Variants in KCNG3 observed in about 807,000 individuals in gnomAD.
KCNG3 encodes the protein voltage-gated potassium channel regulatory subunit KCNG3.
KCNG3 carries 15 observed loss-of-function variants against 29.0 expected under a neutral mutation model. That is an observed-to-expected ratio of 0.52 (90% CI 0.35 to 0.80). KCNG3 has a LOEUF of 0.80. KCNG3 is among the 30% of genes least tolerant of loss of function. KCNG3 has a pLI of 0.01. For synonymous variants in KCNG3, 322 were observed against 248.9 expected (o/e 1.29, Z -2.76); for missense variants, 512 against 605.7 (o/e 0.85, Z 1.62).
At chr2:42,438,239 C>G (rs1672409588), downstream of KCNG3, among the ~76,000 whole-genome samples, 1 of 152,120 alleles carries the variant, frequency 6.6e-6, no homozygotes, top group Admixed American at 6.6e-5. Context: ...CATAGGGAGA[C>G]CCTGTCTCTA....
At chr2:42,449,576 G>C (rs1672698428) in intron 1 of KCNG3, among the ~76,000 whole-genome samples, 1 of 144,530 alleles carries the variant, frequency 6.9e-6, no homozygotes, top group East Asian at 2.0e-4. Context: ...GGAGCACAGT[G>C]GTACGATGTT....
At chr2:42,478,075 G>C (rs1379326189) in intron 1 of KCNG3, among the ~76,000 whole-genome samples, 3 of 152,034 alleles carry the variant, frequency 2.0e-5, no homozygotes, top group African/African-American at 7.3e-5. Context: ...ACTTGTTATA[G>C]GTGTCCACAT....
At chr2:42,409,578 C>A in the KCNG3 span, among the ~76,000 whole-genome samples, 1 of 151,294 alleles carries the variant, frequency 6.6e-6, no homozygotes, top group African/African-American at 2.4e-5. Context: ...GTGGTGTGCA[C>A]CTGTAGTCCC....
chr2:42,418,931 TG>T, the KCNG3 span, among the ~76,000 whole-genome samples: 1 of 152,290 alleles, frequency 6.6e-6, no homozygotes, highest in South Asian at 2.1e-4. Flanking sequence ...TCAGATTTTA[TG>T]GCTCATAGTG....
chr2:42,485,465 G>C (rs1205953028), intron 1 of KCNG3, among the ~76,000 whole-genome samples: 1 of 146,744 alleles, frequency 6.8e-6, no homozygotes, highest in East Asian at 2.0e-4. Flanking sequence ...TTTTTTTTAA[G>C]ACGGAGTCTC....
chr2:42,450,438 C>T (rs1030193210), intron 1 of KCNG3, among the ~76,000 whole-genome samples: 1 of 152,180 alleles, frequency 6.6e-6, no homozygotes, highest in African/African-American at 2.4e-5. Context: ...CCAATGCCAC[C>T]ACTGACAACT....
downstream of KCNG3, among the ~76,000 whole-genome samples, chr2:42,438,739 G>T (rs1489897948): frequency 6.6e-6 from 1 of 152,204 alleles, no homozygotes; most frequent in East Asian, 1.9e-4. Flanking sequence ...TTGGGCATAA[G>T]TTAACCACAG....
rs878936135 is a variant in KCNG3, at chr2:42,442,129, T to C, written c.*1805A>G. ...GTTAAGAAAAAATAAATCCATGCCATTTATTTCAATTATATTAGAATACAA... is the reference window on the plus strand; with the variant it reads ...GTTAAGAAAAAATAAATCCATGCCACTTATTTCAATTATATTAGAATACAA... On this transcript the variant is annotated 3_prime_UTR_variant, in exon 2 of 2. Coordinates refer to ENST00000306078, the MANE Select transcript of KCNG3 (RefSeq NM_133329.6). 1 of 152,166 alleles carries C rather than the reference T, an allele frequency of 6.6e-6. No homozygotes were observed. Among genetic ancestry groups the C allele is most frequent in the South Asian group, 2.1e-4 (1 of 4,820 alleles). 9.4% of individuals were successfully genotyped at this position (152,166 alleles called of 1,614,324 possible).
the KCNG3 span, among the ~76,000 whole-genome samples, chr2:42,420,537 C>T: frequency 6.6e-6 from 1 of 152,168 alleles, no homozygotes; most frequent in Admixed American, 6.5e-5. Context: ...TGTCTGTAAT[C>T]CCAGCACTTT....
At chr2:42,470,979 C>T (rs1673270430) in intron 1 of KCNG3, among the ~76,000 whole-genome samples, 1 of 151,972 alleles carries the variant, frequency 6.6e-6, no homozygotes, top group Non-Finnish European at 1.5e-5. Context: ...CAGTGAGATC[C>T]TAACTCTACA....
At chr2:42,490,206 T>TA (rs769316584) in intron 1 of KCNG3, among the ~76,000 whole-genome samples, 6 of 152,262 alleles carry the variant, frequency 3.9e-5, no homozygotes, top group Non-Finnish European at 7.4e-5. Context: ...CCTTTTATCT[T>TA]AAAAAATCTC....
chr2:42,492,503 A>G (rs912114350), intron 1 of KCNG3, among the ~76,000 whole-genome samples: 3 of 152,252 alleles, frequency 2.0e-5, no homozygotes, highest in Admixed American at 1.3e-4. Flanking sequence ...TAACAATAAA[A>G]GTTCAGAAAA....
At chr2:42,401,122 T>C in the KCNG3 span, among the ~76,000 whole-genome samples, 3 of 150,136 alleles carry the variant, frequency 2.0e-5, no homozygotes, top group African/African-American at 7.3e-5. Context: ...TATGTATATA[T>C]AAATGTATGC....
intron 1 of KCNG3, among the ~76,000 whole-genome samples, chr2:42,466,006 C>A: frequency 6.6e-6 from 1 of 152,096 alleles, no homozygotes; most frequent in South Asian, 2.1e-4. Context: ...AGTCATACAC[C>A]ACATAATGAC....
At chr2:42,394,193 A>G in the KCNG3 span, among the ~76,000 whole-genome samples, 3 of 152,220 alleles carry the variant, frequency 2.0e-5, no homozygotes, top group Non-Finnish European at 2.9e-5. Context: ...ACTGGGTCAC[A>G]TGACCATGAC....
At chr2:42,412,428 A>C in the KCNG3 span, among the ~76,000 whole-genome samples, 1 of 152,212 alleles carries the variant, frequency 6.6e-6, no homozygotes, top group African/African-American at 2.4e-5. Flanking sequence ...CTATTATAGT[A>C]CTAGGTTCAC....
At position 42,493,088 on chromosome 2, in the gene KCNG3, G is replaced by C; in HGVS notation, c.414C>G (p.Asp138Glu). The change falls in exon 1 of 2, where the codon GAC becomes GAG. Residue 138 changes from aspartate (D) to glutamate (E), a missense_variant. Coordinates refer to ENST00000306078, the MANE Select transcript of KCNG3 (RefSeq NM_133329.6). The stretch of plus-strand genomic sequence containing the variant: ...CCTCGGCCCCGCCGGGGCGCGCCTC[G>C]TCGCGGCCCAGCACGCCCGGCTCGT... The part of the protein sequence containing the change: ...SADEPGVLGR[D>E]EARPGGAEAA... The C allele has an allele frequency of 1.3e-6, 2 of 1,567,876 alleles. No homozygotes were observed. The highest frequency in any genetic ancestry group is 1.7e-6 in the Non-Finnish European group (2 of 1,161,658).
chr2:42,396,353 C>T, the KCNG3 span, among the ~76,000 whole-genome samples: 1 of 152,104 alleles, frequency 6.6e-6, no homozygotes, highest in East Asian at 1.9e-4. Context: ...ATCAGATATG[C>T]CAAAATGTTA....
At chr2:42,465,815 A>AT (rs1468984612) in intron 1 of KCNG3, among the ~76,000 whole-genome samples, 6 of 152,226 alleles carry the variant, frequency 3.9e-5, no homozygotes, top group Non-Finnish European at 5.9e-5. Context: ...AAAATAGGCT[A>AT]TGTGGACAAA....
Sources: allele counts gnomAD v4.1 joint callset (sites outside exome capture counted in the v4.1 genomes callset), GRCh38; gene constraint gnomAD v4.1.1; transcripts MANE v1.5; gene names NCBI Gene and HGNC (gene_info 2026-07-23, HGNC 2026-07-21).